The following TDRD1 variants were observed in gnomAD, a reference collection of about 807,000 sequenced individuals.
TDRD1 encodes tudor domain containing 1, also known as tudor domain-containing protein 1.
Under a neutral mutation model 140.6 loss-of-function variants are expected in TDRD1, and 37 were observed. The observed-to-expected ratio is 0.26, with a 90% CI of 0.20 to 0.35. TDRD1 has a LOEUF of 0.35. Ranked by LOEUF, TDRD1 falls within the 10% of genes least tolerant of loss-of-function variation. The pLI is 1.00. For missense variants in TDRD1, 1,243 were observed against 1,393.0 expected (o/e 0.89, Z 1.71); for synonymous variants, 506 against 475.7 (o/e 1.06, Z -0.83).
chr10:114,186,676 C>T (rs1171476158), intron 1 of TDRD1, among the ~76,000 whole-genome samples: 1 of 152,156 alleles, frequency 6.6e-6, no homozygotes, highest in Non-Finnish European at 1.5e-5. Flanking sequence ...TTTTACTTCC[C>T]CTGGCAGCTG....
chr10:114,206,246 A>T lies in TDRD1; in HGVS notation c.1300A>T (p.Lys434Ter). The change falls in exon 11 of 26, where the codon AAA (lysine) becomes TAA (stop). Residue 434 changes from lysine (K) to a stop codon, truncating the protein, a stop_gained and splice_region_variant. Transcript: ENST00000251864. LOFTEE classifies it high-confidence loss of function. ...ATATTTTCTTAATCACTTTTTAGGAAAACTTTTAGACCATGTGCTTATAGA... is the reference window on the plus strand; with the variant it reads ...ATATTTTCTTAATCACTTTTTAGGATAACTTTTAGACCATGTGCTTATAGA... The T allele has an allele frequency of 6.2e-7, 1 of 1,611,784 alleles. No individual in the cohort carries two copies. Among genetic ancestry groups the T allele is most frequent in the Non-Finnish European group, 8.5e-7 (1 of 1,179,040 alleles).
chr10:114,216,097 C>T (rs2035797656), intron 16 of TDRD1, among the ~76,000 whole-genome samples: 1 of 152,152 alleles, frequency 6.6e-6, no homozygotes, highest in African/African-American at 2.4e-5. Context: ...ACATAGAGTT[C>T]CTGTATACAC....
chr10:114,226,235 T>C lies in TDRD1; in HGVS notation c.3175+19T>C. ...CTTGAAGGTAGACAGCTAAGTCACT[T>C]TCCAATTTAGGTTTCTGGGTATTTT... is the stretch of plus-strand genomic sequence containing the variant. On this transcript the variant is annotated intron_variant, in intron 22 of 25. Transcript: ENST00000251864. 3.2e-6 allele frequency: 5 copies of C among 1,577,366 alleles called. No individual in the cohort carries two copies. Among genetic ancestry groups the C allele is most frequent in the Non-Finnish European group, 4.3e-6 (5 of 1,162,478 alleles).
intron 3 of TDRD1, among the ~76,000 whole-genome samples, chr10:114,196,476 C>T (rs2034356460): frequency 2.0e-5 from 3 of 152,152 alleles, no homozygotes; most frequent in Non-Finnish European, 4.4e-5. Context: ...TCACTTTCTT[C>T]TGGCCTCCAT....
rs751971484 is a variant in TDRD1 at position 114,220,715 on chromosome 10, C to G, written c.2642C>G (p.Pro881Arg). Residue 881 changes from proline to arginine, a missense_variant, in exon 19 of 26, where the codon CCC becomes CGC. Coordinates refer to ENST00000251864, the Ensembl canonical transcript of TDRD1. ...CTCACCGATCTCTCCACTTGTTATC[C>G]CAGAATAATTAGTGATGTTCTGATT... The G allele has an allele frequency of 3.1e-6, 5 of 1,613,824 alleles. No homozygotes were observed. In the South Asian group the frequency reaches 3.3e-5, roughly 11 times the overall value.
chr10:114,204,786 A>G (rs1416037102), exon 10 of TDRD1: 4 of 1,605,752 alleles, frequency 2.5e-6, no homozygotes, highest in Non-Finnish European at 8.5e-7. Context: ...GATTGTATCA[A>G]AGCTACTAAA....
chr10:114,219,163 T>C (rs890110447), intron 18 of TDRD1, among the ~76,000 whole-genome samples: 1 of 152,226 alleles, frequency 6.6e-6, no homozygotes, highest in African/African-American at 2.4e-5. Flanking sequence ...GAATTGTTCA[T>C]GATTTAAGTG....
rs1157969862 is a variant in TDRD1 at position 114,217,658 on chromosome 10, A to C, written c.2323+3A>C. Reference sequence around the variant, plus strand: ...ACCTTGTTGTGCTTTTTTTGCAGGTAAGTTGCAATTGATGCAATCTTGACT... The same window carrying C: ...ACCTTGTTGTGCTTTTTTTGCAGGTCAGTTGCAATTGATGCAATCTTGACT... On this transcript the variant is annotated splice_donor_region_variant and intron_variant, in intron 17 of 25. Coordinates refer to ENST00000251864, the Ensembl canonical transcript of TDRD1. The C allele has an allele frequency of 6.6e-7, 1 of 1,513,670 alleles. No individual in the cohort carries two copies. The highest frequency in any genetic ancestry group is 9.1e-7 in the Non-Finnish European group (1 of 1,095,240). 93.8% of individuals were successfully genotyped at this position (1,513,670 alleles called of 1,614,324 possible). A position where few individuals can be genotyped will look rare whatever the true frequency, so the allele number is the denominator to read the frequency against.
intron 17 of TDRD1, 119 bp from the exon 18 acceptor site, chr10:114,218,295 G>T: frequency 1.5e-6 from 1 of 648,666 alleles, no homozygotes; most frequent in Non-Finnish European, 2.5e-6. Context: ...GGCGTGATTT[G>T]GGAAAGTAAG....
intron 18 of TDRD1, among the ~76,000 whole-genome samples, chr10:114,219,176 GAAAACAGGTTAT>G (rs1413358525): frequency 2.6e-5 from 4 of 152,184 alleles, no homozygotes; most frequent in African/African-American, 9.7e-5. Flanking sequence ...TTTAAGTGAA[GAAAACAGGTTAT>G]AAAAGAGTGT....
chr10:114,218,524 C>T lies in TDRD1; in HGVS notation c.2434C>T (p.Arg812Ter), dbSNP rs1326921069. The T allele has an allele frequency of 6.2e-7, 1 of 1,611,334 alleles. No homozygotes were observed. Among genetic ancestry groups the T allele is most frequent in the Admixed American group, 1.7e-5 (1 of 59,726 alleles). ...CGAAGAAGTTACTGCAGATGAACTC[C>T]GAATGATATCATCAACATTTTTAAA... is the stretch of plus-strand genomic sequence containing the variant. The change falls in exon 18 of 26, where the codon CGA becomes TGA. Residue 812 changes from arginine to a stop codon, truncating the protein, a stop_gained. Transcript: ENST00000251864. LOFTEE classifies it high-confidence loss of function.
chr10:114,180,085 A>G (rs1053126624), intron 1 of TDRD1: 1 of 152,206 alleles, frequency 6.6e-6, no homozygotes, highest in Non-Finnish European at 1.5e-5. Context: ...GTTTATCTGT[A>G]GGAATAACGA....
At chr10:114,192,293 T>C (rs1289270843) in intron 3 of TDRD1, among the ~76,000 whole-genome samples, 2 of 92,284 alleles carry the variant, frequency 2.2e-5, no homozygotes, top group Non-Finnish European at 2.3e-5. Context: ...ATAGTTTTCC[T>C]TTTTTTTTTT....
At chr10:114,178,882 A>C (rs904839204), upstream of TDRD1, among the ~76,000 whole-genome samples, 17 of 148,894 alleles carry the variant, frequency 1.1e-4, no homozygotes, top group African/African-American at 3.5e-4. Flanking sequence ...AAAAAAAAAA[A>C]CAAAACTTAA....
At chr10:114,196,925 C>A (rs2132897892) in intron 3 of TDRD1, among the ~76,000 whole-genome samples, 1 of 138,424 alleles carries the variant, frequency 7.2e-6, no homozygotes, top group East Asian at 2.2e-4. Context: ...GGGCTCACTG[C>A]AACCTCTGCC....
At chr10:114,214,084 G>C (rs781611854) in exon 16 of TDRD1, 4 of 1,613,816 alleles carry the variant, frequency 2.5e-6, no homozygotes, top group Non-Finnish European at 3.4e-6. Context: ...TAGTCCTGGA[G>C]AATTTTATTG....
At chr10:114,231,592 T>G in exon 26 of TDRD1, 1 of 1,238,382 alleles carries the variant, frequency 8.1e-7, no homozygotes, top group South Asian at 1.4e-5. Flanking sequence ...GAACCTTTTC[T>G]TTGTCCACTT....
At chr10:114,198,328 C>T (rs1023013327) in intron 3 of TDRD1, among the ~76,000 whole-genome samples, 4 of 152,176 alleles carry the variant, frequency 2.6e-5, no homozygotes, top group Admixed American at 1.3e-4. Flanking sequence ...GGTGGTGGCA[C>T]CTCATTGTTG....
At chr10:114,228,340 A>C in intron 25 of TDRD1, 1 of 1,312,534 alleles carries the variant, frequency 7.6e-7, no homozygotes, top group Non-Finnish European at 9.7e-7. Flanking sequence ...CTGAACCCCC[A>C]GGGGTATTCC....
Sources: gnomAD v4.1 joint callset for allele counts (sites outside exome capture counted in the v4.1 genomes callset) on GRCh38, gnomAD v4.1.1 for gene constraint, MANE v1.5 for transcripts, NCBI Gene and HGNC (gene_info 2026-07-23, HGNC 2026-07-21) for gene names.